The following KLHL29 variants were observed in gnomAD, a reference collection of about 807,000 sequenced individuals.
KLHL29 encodes kelch-like protein 29.
A neutral mutation model predicts 80.4 loss-of-function variants in KLHL29; 21 were observed. The observed-to-expected ratio is 0.26, with a 90% confidence interval of 0.19 to 0.38. KLHL29 has a LOEUF of 0.38. Among genes scored for constraint, KLHL29 ranks in the 10% least tolerant of loss-of-function variants. The pLI, the probability that KLHL29 is intolerant of heterozygous loss-of-function variation, is 1.00. For synonymous variants in KLHL29, 511 were observed against 526.8 expected (o/e 0.97, Z 0.41); for missense variants, 867 against 1,223.9 (o/e 0.71, Z 4.35).
chr2:23,557,529 G>A (rs1035848772), intron 2 of KLHL29, among the ~76,000 whole-genome samples: 2 of 152,070 alleles, frequency 1.3e-5, no homozygotes, highest in Non-Finnish European at 2.9e-5. Flanking sequence ...GAGCATCAGG[G>A]TGGGGGACGG....
chr2:23,453,237 A>G (rs6544859), intron 1 of KLHL29, among the ~76,000 whole-genome samples: 76,971 of 152,070 alleles, frequency 0.51, 20,763 homozygotes, highest in African/African-American at 0.71. Flanking sequence ...GCCCCACCAT[A>G]AACAGCTGGT....
chr2:23,562,546 G>C lies in KLHL29; in HGVS notation c.285+65G>C. The C allele has an allele frequency of 6.7e-7, 1 of 1,496,518 alleles. No homozygotes were observed. The allele number at this position is 1,496,518 out of a possible 1,614,324, so 92.7% of individuals were successfully genotyped here. The stretch of plus-strand genomic sequence containing the variant: ...GGGGCCCTGCCTCCCTGCAGGCTCA[G>C]GCCAGCCCCACAGGCTCCTGTGGGG... On this transcript the variant is annotated intron_variant, in intron 3 of 13. Transcript: ENST00000486442. The surrounding 1 kb of genome is among the most constrained non-coding windows in gnomAD (Gnocchi z 4.5).
chr2:23,436,329 T>TGC (rs1327442029), intron 1 of KLHL29, among the ~76,000 whole-genome samples: 1 of 135,128 alleles, frequency 7.4e-6, no homozygotes, highest in Admixed American at 7.7e-5. Context: ...TGTGTGTGTG[T>TGC]GTCTCAGCAC....
intron 1 of KLHL29, among the ~76,000 whole-genome samples, chr2:23,460,200 C>G (rs1257412338): frequency 6.6e-6 from 1 of 152,106 alleles, no homozygotes; most frequent in Non-Finnish European, 1.5e-5. Flanking sequence ...TCCTTCTTTC[C>G]TTGTCAACAG....
At chr2:23,519,082 C>T (rs1247434318) in intron 2 of KLHL29, among the ~76,000 whole-genome samples, 1 of 152,184 alleles carries the variant, frequency 6.6e-6, no homozygotes, top group Non-Finnish European at 1.5e-5. Flanking sequence ...AGACCATGCC[C>T]TGGAATGCAC....
intron 1 of KLHL29, among the ~76,000 whole-genome samples, chr2:23,402,966 TTA>T (rs1666630977): frequency 6.6e-6 from 1 of 150,492 alleles, no homozygotes; most frequent in African/African-American, 2.4e-5. Flanking sequence ...TATATATATC[TTA>T]TATGTATATA....
chr2:23,391,529 G>A (rs777551719), intron 1 of KLHL29, among the ~76,000 whole-genome samples: 2 of 152,104 alleles, frequency 1.3e-5, no homozygotes, highest in African/African-American at 2.4e-5. Flanking sequence ...CCGCGTTCAA[G>A]GGTTCAAGCA....
chr2:23,423,969 C>T (rs1013496140), intron 1 of KLHL29, among the ~76,000 whole-genome samples: 3 of 152,174 alleles, frequency 2.0e-5, no homozygotes, highest in East Asian at 1.9e-4. Flanking sequence ...CTGGAGCATC[C>T]GCTCTCTCTC....
intron 4 of KLHL29, 123 bp downstream of exon 4, chr2:23,639,403 C>T (rs1669706001): frequency 2.1e-6 from 2 of 946,114 alleles, no homozygotes; most frequent in Non-Finnish European, 3.1e-6. Context: ...GAAGCCCCCT[C>T]CTCAGGTTCA....
chr2:23,586,734 A>G (rs1247131032), intron 3 of KLHL29, among the ~76,000 whole-genome samples: 2 of 152,038 alleles, frequency 1.3e-5, no homozygotes, highest in Non-Finnish European at 2.9e-5. Context: ...GGGGAGGGAG[A>G]AGCCCTTGTG....
chr2:23,663,140 C>T (rs1670460748), intron 5 of KLHL29, among the ~76,000 whole-genome samples: 1 of 152,184 alleles, frequency 6.6e-6, no homozygotes, highest in Admixed American at 6.5e-5. Context: ...CGCTGCTCCT[C>T]GCTACTCCCA....
chr2:23,579,066 G>A (rs1350046519), intron 3 of KLHL29, among the ~76,000 whole-genome samples: 4 of 152,190 alleles, frequency 2.6e-5, no homozygotes, highest in African/African-American at 9.7e-5. Context: ...GTTTGTTGGT[G>A]GTTGTGGTTA....
chr2:23,415,791 T>A (rs1427242230), intron 1 of KLHL29, among the ~76,000 whole-genome samples: 1 of 152,140 alleles, frequency 6.6e-6, no homozygotes, highest in Non-Finnish European at 1.5e-5. Context: ...CTTAACCTCC[T>A]GGGCTCAGGC....
intron 3 of KLHL29, among the ~76,000 whole-genome samples, chr2:23,574,738 T>G (rs1192743427): frequency 6.6e-6 from 1 of 152,030 alleles, no homozygotes; most frequent in Non-Finnish European, 1.5e-5. Context: ...GAAAGAAAAC[T>G]CAAAGAATAA....
intron 2 of KLHL29, among the ~76,000 whole-genome samples, chr2:23,510,488 G>A (rs1262231744): frequency 1.3e-5 from 2 of 152,236 alleles, no homozygotes; most frequent in Admixed American, 1.3e-4. Flanking sequence ...AGCCTCAACA[G>A]GCTTTGCTGT....
chr2:23,494,201 C>T (rs1665188769), intron 2 of KLHL29, among the ~76,000 whole-genome samples: 1 of 152,214 alleles, frequency 6.6e-6, no homozygotes, highest in Non-Finnish European at 1.5e-5. Context: ...AGAGATTGTA[C>T]TGAGGCTCTT....
At chr2:23,407,758 A>G (rs2103392859) in intron 1 of KLHL29, among the ~76,000 whole-genome samples, 1 of 151,934 alleles carries the variant, frequency 6.6e-6, no homozygotes, top group Non-Finnish European at 1.5e-5. Flanking sequence ...ACTTTTTATC[A>G]GGTTTTCTCA....
At chr2:23,567,459 TC>T (rs1667615072) in intron 3 of KLHL29, among the ~76,000 whole-genome samples, 1 of 152,226 alleles carries the variant, frequency 6.6e-6, no homozygotes, top group Non-Finnish European at 1.5e-5. Flanking sequence ...TCTGCAGGCT[TC>T]ATCGTCAACA....
In KLHL29 at chr2:23,669,409, A is replaced by G. The variant is rs1239684795; in HGVS notation, c.941-14990A>G. On this transcript the variant is annotated intron_variant, in intron 5 of 13. Transcript: ENST00000486442. The surrounding 1 kb of genome is among the most constrained non-coding windows in gnomAD (Gnocchi z 4.3). Reference sequence around the variant, plus strand: ...TGGCAGAGGGAATAGCCTAGGTGCCACCCTCCTCTTCCAGGCTCCCACGCA... The same window carrying G: ...TGGCAGAGGGAATAGCCTAGGTGCCGCCCTCCTCTTCCAGGCTCCCACGCA... The G allele has an allele frequency of 1.3e-5, 2 of 152,224 alleles. No individual in the cohort carries two copies. The highest frequency in any genetic ancestry group is 4.8e-5 in the African/African-American group (2 of 41,410). 9.4% of individuals were successfully genotyped at this position (152,224 alleles called of 1,614,324 possible).
Sources: gnomAD v4.1 joint callset for allele counts (sites outside exome capture counted in the v4.1 genomes callset) on GRCh38, gnomAD v4.1.1 for gene constraint, Gnocchi (gnomAD v3.1) non-coding constraint, MANE v1.5 for transcripts, NCBI Gene and HGNC (gene_info 2026-07-23, HGNC 2026-07-21) for gene names.